The following GPC5 variants were observed in gnomAD, a reference collection of about 807,000 sequenced individuals.
The protein encoded by GPC5 is glypican 5.
A neutral mutation model predicts 53.9 loss-of-function variants in GPC5; 47 were observed. The ratio of observed to expected loss-of-function variants is 0.87; its 90% confidence interval spans 0.69 to 1.11. GPC5 has a LOEUF of 1.11. GPC5 is among the 50% of genes most tolerant of loss of function. The pLI is 0.00. For missense variants in GPC5, 748 were observed against 713.1 expected (o/e 1.05, Z -0.56); for synonymous variants, 286 against 263.3 (o/e 1.09, Z -0.84).
chr13:91,612,245 T>A (rs536318455), intron 2 of GPC5, among the ~76,000 whole-genome samples: 3 of 152,168 alleles, frequency 2.0e-5, no homozygotes, highest in Non-Finnish European at 4.4e-5. Context: ...AAGAATAAAT[T>A]ATACTTCTGT....
At chr13:92,085,212 T>C (rs2041326695) in intron 6 of GPC5, among the ~76,000 whole-genome samples, 1 of 152,204 alleles carries the variant, frequency 6.6e-6, no homozygotes, top group South Asian at 2.1e-4. Flanking sequence ...CTCTTTTGTT[T>C]AGATTTGCTG....
chr13:91,861,532 G>A (rs373154769), intron 5 of GPC5, among the ~76,000 whole-genome samples: 6 of 151,878 alleles, frequency 4.0e-5, no homozygotes, highest in African/African-American at 1.4e-4. Flanking sequence ...AGCCACACAA[G>A]CTTCCTAATG....
At chr13:91,418,683 G>A (rs973314070) in intron 1 of GPC5, among the ~76,000 whole-genome samples, 4 of 152,162 alleles carry the variant, frequency 2.6e-5, no homozygotes, top group Non-Finnish European at 4.4e-5. Flanking sequence ...TCCAAGAGCA[G>A]TAGAAAGCCC....
At chr13:92,575,197 T>C (rs1262079809) in intron 7 of GPC5, among the ~76,000 whole-genome samples, 4 of 152,218 alleles carry the variant, frequency 2.6e-5, no homozygotes, top group South Asian at 4.1e-4. Context: ...AAGTCTTGAC[T>C]TCTGGTAACT....
chr13:92,725,100 G>A (rs746156585), intron 7 of GPC5, among the ~76,000 whole-genome samples: 1 of 151,416 alleles, frequency 6.6e-6, no homozygotes, highest in East Asian at 1.9e-4. Context: ...GTTATCTACC[G>A]TTTTCTCATC....
intron 6 of GPC5, among the ~76,000 whole-genome samples, chr13:92,046,478 C>A (rs2040982982): frequency 6.6e-6 from 1 of 152,152 alleles, no homozygotes; most frequent in South Asian, 2.1e-4. Context: ...TAATTCTAGG[C>A]AGTCCTGAGG....
chr13:92,721,799 C>A (rs1888514760), intron 7 of GPC5, among the ~76,000 whole-genome samples: 1 of 151,920 alleles, frequency 6.6e-6, no homozygotes, highest in Non-Finnish European at 1.5e-5. Flanking sequence ...TTGAAGATAA[C>A]AGAGGGGGGT....
intron 7 of GPC5, among the ~76,000 whole-genome samples, chr13:92,559,540 C>T (rs957209880): frequency 2.0e-5 from 3 of 151,616 alleles, no homozygotes; most frequent in African/African-American, 7.3e-5. Flanking sequence ...CTAGAGCCAG[C>T]CCTCCCCTAT....
intron 6 of GPC5, among the ~76,000 whole-genome samples, chr13:92,065,442 C>A (rs8002106): frequency 0.55 from 84,266 of 151,920 alleles, 23,680 homozygotes; most frequent in East Asian, 0.79. Context: ...TTTTTAAAAA[C>A]CCTAAATTCC....
intron 7 of GPC5, among the ~76,000 whole-genome samples, chr13:92,841,033 A>G (rs533967551): frequency 9.1e-4 from 138 of 152,196 alleles, no homozygotes; most frequent in Non-Finnish European, 1.4e-3. Context: ...TCTACATATA[A>G]GGTCAAGTCA....
intron 7 of GPC5, among the ~76,000 whole-genome samples, chr13:92,801,396 G>C (rs1022570869): frequency 2.0e-5 from 3 of 151,716 alleles, no homozygotes; most frequent in African/African-American, 7.3e-5. Flanking sequence ...GGCGATGCTG[G>C]TGTAAACAAG....
intron 7 of GPC5, among the ~76,000 whole-genome samples, chr13:92,385,437 C>T (rs1259820389): frequency 6.2e-5 from 4 of 64,088 alleles, no homozygotes; most frequent in East Asian, 4.3e-4. Context: ...TACATATATA[C>T]ATATATACAT....
At chr13:92,282,805 C>T (rs577910920) in intron 7 of GPC5, among the ~76,000 whole-genome samples, 1 of 152,112 alleles carries the variant, frequency 6.6e-6, no homozygotes, top group African/African-American at 2.4e-5. Flanking sequence ...ATTGTAAAGA[C>T]CATCGATGCT....
At position 92,269,096 on chromosome 13, in the gene GPC5, T is replaced by G. The variant is rs540276331; in HGVS notation, c.1561+124107T>G. Among the ~76,000 whole-genome samples the G allele has an allele frequency of 1.4e-4, 22 of 152,216 alleles. No individual in the cohort carries two copies. The East Asian group carries it at 4.3e-3, about 29-fold the overall frequency. On this transcript the variant is annotated intron_variant, in intron 7 of 7. Coordinates refer to ENST00000377067, the MANE Select transcript of GPC5 (RefSeq NM_004466.6). ...CAGTAGACGTTATTCATAATTACTC[T>G]TATTTTGTCTTTGGAAATGATGCAT...
chr13:92,318,515 A>C (rs950996509), intron 7 of GPC5, among the ~76,000 whole-genome samples: 1 of 152,194 alleles, frequency 6.6e-6, no homozygotes, highest in Non-Finnish European at 1.5e-5. Flanking sequence ...CTTTGCTTTT[A>C]TTATAAATTA....
intron 7 of GPC5, among the ~76,000 whole-genome samples, chr13:92,195,753 A>G (rs1055115111): frequency 1.3e-5 from 2 of 152,240 alleles, no homozygotes; most frequent in South Asian, 4.1e-4. Context: ...TTCATTTAGA[A>G]TAAGTTATTT....
intron 2 of GPC5, among the ~76,000 whole-genome samples, chr13:91,668,310 G>A (rs551328446): frequency 3.9e-5 from 6 of 152,160 alleles, no homozygotes; most frequent in East Asian, 1.9e-4. Context: ...GTGCACATGC[G>A]TGTTTCTGTT....
At chr13:91,496,973 ACTGT>A (rs1245720650) in intron 2 of GPC5, among the ~76,000 whole-genome samples, 1 of 152,052 alleles carries the variant, frequency 6.6e-6, no homozygotes, top group Non-Finnish European at 1.5e-5. Context: ...ATCCCCCGTT[ACTGT>A]CTTTTTCTTC....
chr13:91,649,632 C>T (rs571269265), intron 2 of GPC5, among the ~76,000 whole-genome samples: 8 of 152,256 alleles, frequency 5.3e-5, no homozygotes, highest in African/African-American at 1.2e-4. Context: ...TGTGTTGTTC[C>T]GTCCACAGCA....
Sources: gnomAD v4.1 joint callset for allele counts (sites outside exome capture counted in the v4.1 genomes callset) on GRCh38, gnomAD v4.1.1 for gene constraint, MANE v1.5 for transcripts, NCBI Gene and HGNC (gene_info 2026-07-23, HGNC 2026-07-21) for gene names.